INTS8: variants seen among roughly 807,000 people sequenced by gnomAD.
INTS8 encodes protein kaonashi-1.
INTS8 carries 47 observed loss-of-function variants against 138.9 expected under a neutral mutation model. The observed-to-expected ratio is 0.34, with a 90% confidence interval of 0.27 to 0.43. The LOEUF is 0.43. INTS8 is among the 20% of genes least tolerant of loss of function. The pLI is 1.00. For synonymous variants in INTS8, 392 were observed against 400.9 expected, an observed-to-expected ratio of 0.98 and a Z score of 0.27; for missense variants, 996 against 1,173.0, an observed-to-expected ratio of 0.85 and a Z score of 2.20.
intron 25 of INTS8, 43 bp from the exon 26 acceptor site, chr8:94,876,398 CATTAT>C (rs1816565290): frequency 7.1e-7 from 1 of 1,402,230 alleles, no homozygotes; most frequent in African/African-American, 1.4e-5. Context: ...GAGATTCTCT[CATTAT>C]ATTTAATACT....
chr8:94,865,394 C>A, intron 16 of INTS8, 112 bp from the exon 17 acceptor site: 1 of 797,010 alleles, frequency 1.3e-6, no homozygotes, highest in Non-Finnish European at 2.0e-6. Context: ...AATAACTGTG[C>A]TTAGTATGTT....
intron 23 of INTS8, 101 bp downstream of exon 23, chr8:94,874,703 C>T (rs1164443762): frequency 1.5e-6 from 1 of 679,996 alleles, no homozygotes; most frequent in South Asian, 1.8e-5. Context: ...TTTTCCATAT[C>T]AAAATCACTT....
At chr8:94,830,697 C>T (rs1814680441) in intron 5 of INTS8, among the ~76,000 whole-genome samples, 3 of 152,166 alleles carry the variant, frequency 2.0e-5, no homozygotes. Flanking sequence ...GGGATTTTGC[C>T]ATGTTGTTCA....
chr8:94,836,679 C>G, intron 7 of INTS8, 48 bp downstream of exon 7: 1 of 1,165,818 alleles, frequency 8.6e-7, no homozygotes, highest in Non-Finnish European at 1.3e-6. Context: ...TTTAAAACAT[C>G]TATACATTTT....
At chr8:94,875,077 T>A (rs1816524324) in intron 23 of INTS8, among the ~76,000 whole-genome samples, 1 of 152,126 alleles carries the variant, frequency 6.6e-6, no homozygotes. Flanking sequence ...CTCAAAAAGG[T>A]AAACATAAGA....
rs540815603 is a variant in INTS8, at chr8:94,829,399, G to T, written c.570+373G>T. On this transcript the variant is annotated intron_variant, in intron 5 of 26. Coordinates refer to ENST00000523731, the MANE Select transcript of INTS8 (RefSeq NM_017864.4). ...GGAGGACACAACATGGATCCCTCGC[G>T]TGTGTAGTTCACGATAGGGTTTGCG... Among the ~76,000 whole-genome samples, 11 of 152,016 alleles carry T rather than the reference G, an allele frequency of 7.2e-5. No homozygotes were observed. The South Asian group carries it at 2.3e-3, about 32-fold the overall frequency.
intron 16 of INTS8, among the ~76,000 whole-genome samples, chr8:94,861,552 A>T (rs1371861200): frequency 8.0e-6 from 1 of 124,226 alleles, no homozygotes; most frequent in Non-Finnish European, 1.7e-5. Context: ...TGAGCCATCG[A>T]GCCCGGCCCT....
rs1816758265 is a variant in INTS8 at position 94,880,311 on chromosome 8, AATAC to A, written c.*81_*84del. 1.1e-5 allele frequency: 8 copies of A among 724,614 alleles called. No individual in the cohort carries two copies. The highest frequency in any genetic ancestry group is 1.6e-5 in the Non-Finnish European group (7 of 429,970). 44.9% of individuals were successfully genotyped at this position (724,614 alleles called of 1,614,324 possible). ...CAGTATTAAAAGGTTAAGTTTATATAATACATATGTACACAATTAGTGGTGTTTT... is the reference window on the plus strand; with the variant it reads ...CAGTATTAAAAGGTTAAGTTTATATAATATGTACACAATTAGTGGTGTTTT... On this transcript the variant is annotated 3_prime_UTR_variant, in exon 27 of 27. Coordinates refer to ENST00000523731, the MANE Select transcript of INTS8 (RefSeq NM_017864.4).
rs113366999 is a variant in INTS8, at chr8:94,865,335, C to T, written c.2077-171C>T. ...TTTCTCAGATTCAGATCTGTCAGTA[C>T]GCAATGAGCCCTAAATTCCTCAAAG... On this transcript the variant is annotated intron_variant, in intron 16 of 26. Transcript: ENST00000523731. Among the ~76,000 whole-genome samples, 744 of 152,244 alleles carry T rather than the reference C, an allele frequency of 4.9e-3. 3 individuals are homozygous for T. Among genetic ancestry groups the T allele is most frequent in the African/African-American group, 0.016 (676 of 41,528 alleles).
At chr8:94,832,496 A>T (rs1446988682) in intron 6 of INTS8, among the ~76,000 whole-genome samples, 1 of 152,230 alleles carries the variant, frequency 6.6e-6, no homozygotes, top group Admixed American at 6.5e-5. Context: ...CCAAAAGAAG[A>T]TAAAAACTAA....
intron 12 of INTS8, among the ~76,000 whole-genome samples, chr8:94,850,439 C>T (rs1386281186): frequency 1.3e-5 from 2 of 151,982 alleles, no homozygotes; most frequent in East Asian, 1.9e-4. Flanking sequence ...GGTGAAACCC[C>T]GCCTCTACTA....
intron 20 of INTS8, among the ~76,000 whole-genome samples, chr8:94,870,925 C>G (rs1471408062): frequency 6.6e-6 from 1 of 152,106 alleles, no homozygotes; most frequent in Admixed American, 6.5e-5. Flanking sequence ...TCTTCTGACT[C>G]TGTACCTGAA....
chr8:94,838,279 C>T (rs191283828), intron 7 of INTS8, among the ~76,000 whole-genome samples, 184 bp from the exon 8 acceptor site: 42 of 152,136 alleles, frequency 2.8e-4, no homozygotes, highest in East Asian at 9.7e-4. Flanking sequence ...CTCGAACTCC[C>T]GACCTTGTGA....
chr8:94,827,083 C>T (rs111759946), intron 2 of INTS8, among the ~76,000 whole-genome samples, 180 bp from the exon 3 acceptor site: 28,153 of 151,814 alleles, frequency 0.19, 2,744 homozygotes, highest in Middle Eastern at 0.28. Flanking sequence ...CCAGCCTGGG[C>T]GACAGAGCGA....
chr8:94,825,906 T>C (rs544588952), intron 2 of INTS8, among the ~76,000 whole-genome samples: 1 of 152,306 alleles, frequency 6.6e-6, no homozygotes, highest in South Asian at 2.1e-4. Context: ...ATACCCTATA[T>C]ACTGTTTTTA....
At chr8:94,866,383 C>A in intron 18 of INTS8, 192 bp downstream of exon 18, 1 of 586,332 alleles carries the variant, frequency 1.7e-6, no homozygotes, top group Admixed American at 2.4e-5. Flanking sequence ...TCTTCTAATT[C>A]TTGAGGTTAA....
chr8:94,842,939 C>T (rs984357356), intron 10 of INTS8, among the ~76,000 whole-genome samples: 1 of 145,574 alleles, frequency 6.9e-6, no homozygotes, highest in Admixed American at 6.7e-5. Flanking sequence ...ATGTTAGAGA[C>T]ATTGAGAGAA....
intron 7 of INTS8, among the ~76,000 whole-genome samples, chr8:94,837,008 G>A (rs1449274321): frequency 6.6e-6 from 1 of 152,002 alleles, no homozygotes; most frequent in Non-Finnish European, 1.5e-5. Flanking sequence ...TGCAATATTT[G>A]TATCTGCAAG....
intron 2 of INTS8, among the ~76,000 whole-genome samples, chr8:94,826,125 T>G (rs1343392581): frequency 6.6e-6 from 1 of 152,248 alleles, no homozygotes; most frequent in Non-Finnish European, 1.5e-5. Flanking sequence ...ATTCTTAGGA[T>G]AGCTCCTTAA....
Sources: gnomAD v4.1 joint callset for allele counts (sites outside exome capture counted in the v4.1 genomes callset) on GRCh38, gnomAD v4.1.1 for gene constraint, MANE v1.5 for transcripts, NCBI Gene and HGNC (gene_info 2026-07-23, HGNC 2026-07-21) for gene names.